Variants in ETS1 observed in about 807,000 individuals in gnomAD.
ETS1 encodes the protein protein C-ets-1.
In ETS1, 15 loss-of-function variants were observed where a neutral mutation model predicts 58.6. The observed-to-expected ratio is 0.26, with a 90% CI of 0.17 to 0.39. ETS1 has a LOEUF of 0.39. Ranked by LOEUF, ETS1 falls within the 10% of genes least tolerant of loss-of-function variation. The pLI, the probability that ETS1 is intolerant of heterozygous loss-of-function variation, is 1.00. For missense variants in ETS1, 417 were observed against 610.5 expected, an observed-to-expected ratio of 0.68 and a Z score of 3.34; for synonymous variants, 214 against 218.2, an observed-to-expected ratio of 0.98 and a Z score of 0.17.
At chr11:128,554,650 G>A (rs778006143) in intron 3 of ETS1, among the ~76,000 whole-genome samples, 7 of 151,868 alleles carry the variant, frequency 4.6e-5, no homozygotes, top group Non-Finnish European at 8.8e-5. Context: ...CTGATCTTCA[G>A]GCTATGAGCA....
chr11:128,564,628 A>C (rs1210730781), intron 2 of ETS1, among the ~76,000 whole-genome samples: 1 of 152,168 alleles, frequency 6.6e-6, no homozygotes, highest in African/African-American at 2.4e-5. Context: ...TTGAGACCAC[A>C]GTCCTGGGGA....
intron 3 of ETS1, among the ~76,000 whole-genome samples, chr11:128,505,926 A>C (rs1863216745): frequency 6.6e-6 from 1 of 152,254 alleles, no homozygotes; most frequent in South Asian, 2.1e-4. Context: ...CTCTGTCCAG[A>C]CGACACTAGC....
intron 3 of ETS1, among the ~76,000 whole-genome samples, chr11:128,516,401 C>T (rs879538502): frequency 1.1e-4 from 17 of 152,142 alleles, no homozygotes; most frequent in Admixed American, 2.6e-4. Context: ...ATCAGAGGTT[C>T]CTTGTGAGCA....
At chr11:128,538,758 ACACACACACAC>A (rs1864010069) in intron 3 of ETS1, among the ~76,000 whole-genome samples, 1 of 27,538 alleles carries the variant, frequency 3.6e-5, no homozygotes, top group South Asian at 3.6e-3. Flanking sequence ...ACACACATAC[ACACACACACAC>A]ACACACACAC....
chr11:128,486,744 C>T (rs1294899945), intron 5 of ETS1, among the ~76,000 whole-genome samples: 1 of 152,198 alleles, frequency 6.6e-6, no homozygotes, highest in African/African-American at 2.4e-5. Context: ...GAGAGAAGAG[C>T]AACCCAGTCA....
chr11:128,563,162 A>G (rs1864433266), intron 2 of ETS1, among the ~76,000 whole-genome samples: 1 of 152,138 alleles, frequency 6.6e-6, no homozygotes, highest in African/African-American at 2.4e-5. Flanking sequence ...TAAACTCCAT[A>G]GGAGCAAATC....
chr11:128,506,732 C>T (rs984068110), intron 3 of ETS1, among the ~76,000 whole-genome samples: 1 of 152,148 alleles, frequency 6.6e-6, no homozygotes, highest in Non-Finnish European at 1.5e-5. Flanking sequence ...GCGATGCTCA[C>T]TGGGAGACCG....
At chr11:128,562,576 G>A (rs1038367448) in intron 2 of ETS1, among the ~76,000 whole-genome samples, 1 of 152,168 alleles carries the variant, frequency 6.6e-6, no homozygotes, top group African/African-American at 2.4e-5. Flanking sequence ...GAGGCTACCA[G>A]AGGACATGAG....
chr11:128,529,392 A>C (rs1245075423), intron 3 of ETS1, among the ~76,000 whole-genome samples: 1 of 152,204 alleles, frequency 6.6e-6, no homozygotes, highest in Non-Finnish European at 1.5e-5. Context: ...AAGGACAGGG[A>C]GGATCAAATG....
At chr11:128,504,107 G>A (rs1342181455) in intron 3 of ETS1, among the ~76,000 whole-genome samples, 8 of 152,276 alleles carry the variant, frequency 5.3e-5, no homozygotes, top group Admixed American at 4.6e-4. Context: ...CACTAAAAAG[G>A]AGGGGCCTAG....
intron 3 of ETS1, among the ~76,000 whole-genome samples, chr11:128,508,547 G>A (rs1186466110): frequency 6.6e-6 from 1 of 152,158 alleles, no homozygotes; most frequent in East Asian, 1.9e-4. Context: ...GTGTGATTCA[G>A]GGACTCAATT....
chr11:128,532,506 A>C (rs1863913305), intron 3 of ETS1, among the ~76,000 whole-genome samples: 1 of 152,212 alleles, frequency 6.6e-6, no homozygotes, highest in Non-Finnish European at 1.5e-5. Context: ...TTGGGAAAGC[A>C]GACTTAATTG....
chr11:128,476,765 C>A (rs545146393), intron 8 of ETS1, among the ~76,000 whole-genome samples: 16 of 152,356 alleles, frequency 1.1e-4, no homozygotes, highest in African/African-American at 3.1e-4. Flanking sequence ...TATCTTCGAA[C>A]AAAAGAAAAT....
chr11:128,509,816 C>T (rs1444436389), intron 3 of ETS1, among the ~76,000 whole-genome samples: 2 of 152,116 alleles, frequency 1.3e-5, no homozygotes, highest in African/African-American at 4.8e-5. Flanking sequence ...AACTCTATGG[C>T]TTTGGGCAAA....
chr11:128,553,236 G>T (rs1032446640), intron 3 of ETS1, among the ~76,000 whole-genome samples: 3 of 152,164 alleles, frequency 2.0e-5, no homozygotes, highest in African/African-American at 7.2e-5. Flanking sequence ...AGAGGCGGAC[G>T]GTAGGAGGAG....
rs527788461 is a variant in ETS1, at chr11:128,536,171, C to T, written c.214+20120G>A. On this transcript the variant is annotated intron_variant, in intron 3 of 9. Coordinates refer to ENST00000392668, the MANE Select transcript of ETS1 (RefSeq NM_001143820.2). ...GATAATAAGTAAAGACAAAGAGACC[C>T]TCATTTTTATATAGATTTGTCTCCT... Among the ~76,000 whole-genome samples the T allele has an allele frequency of 2.0e-5, 3 of 152,232 alleles. No individual in the cohort carries two copies. The South Asian group carries it at 6.2e-4, about 32-fold the overall frequency.
rs76313695 is a variant in ETS1 at position 128,482,684 on chromosome 11, A to G, written c.862+2139T>C. 2.0e-5 allele frequency among the ~76,000 whole-genome samples: 3 copies of G among 152,274 alleles called. No individual in the cohort carries two copies. In the South Asian group the frequency reaches 6.2e-4, roughly 32 times the overall value. On this transcript the variant is annotated intron_variant, in intron 7 of 9. Transcript: ENST00000392668. ...GTGCTGGGAACCTTCATTTACGGGT[A>G]TTTTCTCCAAAAATGGGTAGAATCC...
At chr11:128,465,679 A>G (rs1862014366) in intron 8 of ETS1, among the ~76,000 whole-genome samples, 1 of 152,248 alleles carries the variant, frequency 6.6e-6, no homozygotes, top group Admixed American at 6.5e-5. Context: ...GCTATGTAAA[A>G]GAAGCCTCGG....
intron 5 of ETS1, 70 bp downstream of exon 5, chr11:128,489,220 G>A: frequency 7.4e-7 from 1 of 1,353,030 alleles, no homozygotes; most frequent in Admixed American, 1.7e-5. Flanking sequence ...CCCACCATTG[G>A]GTGAGCCCCC....
Sources: gnomAD v4.1 joint callset for allele counts (sites outside exome capture counted in the v4.1 genomes callset) on GRCh38, gnomAD v4.1.1 for gene constraint, MANE v1.5 for transcripts, NCBI Gene and HGNC (gene_info 2026-07-23, HGNC 2026-07-21) for gene names.